ARHGAP39: variants seen among roughly 807,000 people sequenced by gnomAD.
ARHGAP39 encodes the protein rho GTPase-activating protein 39.
In ARHGAP39, 44 loss-of-function variants were observed where a neutral mutation model predicts 106.9. That is an observed-to-expected ratio of 0.41 (90% CI 0.32 to 0.53). ARHGAP39 has a LOEUF of 0.53. ARHGAP39 is among the 20% of genes least tolerant of loss of function. The pLI, the probability that ARHGAP39 is intolerant of heterozygous loss-of-function variation, is 0.21. For missense variants in ARHGAP39, 1,496 were observed against 1,577.3 expected (o/e 0.95, Z 0.87); for synonymous variants, 768 against 693.2 (o/e 1.11, Z -1.69).
At chr8:144,619,683 T>C (rs1185507137) in intron 1 of ARHGAP39, among the ~76,000 whole-genome samples, 1 of 149,452 alleles carries the variant, frequency 6.7e-6, no homozygotes, top group Non-Finnish European at 1.5e-5. Context: ...CACGTATGCC[T>C]GTGTGCATGA....
At chr8:144,605,513 C>T (rs759998445) in intron 2 of ARHGAP39, 22 bp downstream of exon 2, 66 of 1,613,188 alleles carry the variant, frequency 4.1e-5, no homozygotes, top group Admixed American at 5.0e-5. Context: ...CGGGCAGCTC[C>T]GCAGGTCGGT....
chr8:144,534,169 T>A lies in ARHGAP39; in HGVS notation c.2648A>T (p.Tyr883Phe). The change falls in exon 8 of 12, where the codon TAC becomes TTC. Residue 883 changes from tyrosine to phenylalanine, a missense_variant. Around this residue, in one of 4 missense-constraint regions of ARHGAP39, gnomAD observed 470 missense variants for 605.1 expected, o/e 0.78. Transcript: ENST00000377307. ...VAISTYAKYC[Y>F]HKLQKAALTG... is the part of the protein sequence containing the mutation. ...CAGGGCTGCCTTCTGTAGCTTGTGG[T>A]AACAGTACTTGGCATACGTGCTTAT... is the stretch of plus-strand genomic sequence containing the variant. 6.2e-7 allele frequency: 1 copy of A among 1,613,318 alleles called. No homozygotes were observed. Among genetic ancestry groups the A allele is most frequent in the Non-Finnish European group, 8.5e-7 (1 of 1,179,806 alleles).
intron 1 of ARHGAP39, among the ~76,000 whole-genome samples, chr8:144,659,182 C>T (rs998295903): frequency 2.6e-5 from 4 of 152,134 alleles, no homozygotes; most frequent in African/African-American, 4.8e-5. Flanking sequence ...TAATAATATA[C>T]ACTGTAAAGG....
At chr8:144,599,257 A>G (rs1250572970) in intron 2 of ARHGAP39, among the ~76,000 whole-genome samples, 2 of 152,222 alleles carry the variant, frequency 1.3e-5, no homozygotes, top group East Asian at 3.8e-4. Flanking sequence ...AATATGCGAA[A>G]TTACCCATAT....
At chr8:144,631,451 A>T (rs1329734134) in intron 1 of ARHGAP39, among the ~76,000 whole-genome samples, 1 of 152,224 alleles carries the variant, frequency 6.6e-6, no homozygotes, top group Non-Finnish European at 1.5e-5. Flanking sequence ...TTCTCTGAAT[A>T]TCCCTTTCTT....
the ARHGAP39 span, among the ~76,000 whole-genome samples, chr8:144,697,258 T>C: frequency 6.8e-6 from 1 of 146,250 alleles, no homozygotes; most frequent in Non-Finnish European, 1.5e-5. Context: ...ACCCAGGACC[T>C]GGAGGAGGTT....
At chr8:144,558,158 TA>T (rs1335387146) in intron 3 of ARHGAP39, among the ~76,000 whole-genome samples, 1 of 152,224 alleles carries the variant, frequency 6.6e-6, no homozygotes, top group Non-Finnish European at 1.5e-5. Context: ...AATAATACTG[TA>T]AAGTCTTGTT....
chr8:144,535,098 C>T (rs766400291), intron 7 of ARHGAP39, among the ~76,000 whole-genome samples: 4 of 152,228 alleles, frequency 2.6e-5, no homozygotes, highest in African/African-American at 7.2e-5. Flanking sequence ...CCCCAGCGCC[C>T]AGCGCCTACC....
intron 2 of ARHGAP39, among the ~76,000 whole-genome samples, chr8:144,603,179 A>G (rs1186442526): frequency 4.6e-5 from 5 of 108,826 alleles, no homozygotes; most frequent in Non-Finnish European, 7.2e-5. Context: ...GAGCTCATGT[A>G]CCTGTGTGTG....
At chr8:144,613,492 T>TG (rs1211640485) in intron 1 of ARHGAP39, among the ~76,000 whole-genome samples, 2 of 146,162 alleles carry the variant, frequency 1.4e-5, no homozygotes, top group African/African-American at 5.1e-5. Flanking sequence ...GGTGGACAGT[T>TG]TTTTTTTTTT....
intron 3 of ARHGAP39, among the ~76,000 whole-genome samples, chr8:144,559,233 C>A (rs1818053895): frequency 6.6e-6 from 1 of 151,364 alleles, no homozygotes; most frequent in Non-Finnish European, 1.5e-5. Flanking sequence ...AAAACAAAAA[C>A]TAGCCGGAAG....
rs527898051 is a variant in ARHGAP39, at chr8:144,548,741, C to T, written c.597-252G>A. Reference sequence around the variant, plus strand: ...TCTGATCCCAGCTCCTGACCGGGCACAGGGCTGCTTCTGTAACTAGAACCG... The same window carrying T: ...TCTGATCCCAGCTCCTGACCGGGCATAGGGCTGCTTCTGTAACTAGAACCG... On this transcript the variant is annotated intron_variant, in intron 4 of 11. Transcript: ENST00000377307. This position sits in a 1 kb window ranked among gnomAD's most constrained non-coding sequence, Gnocchi z 7.4. Among the ~76,000 whole-genome samples the T allele has an allele frequency of 1.3e-5, 2 of 152,348 alleles. No individual in the cohort carries two copies. Among genetic ancestry groups the T allele is most frequent in the African/African-American group, 4.8e-5 (2 of 41,590 alleles).
At chr8:144,576,370 A>C (rs1410033184) in intron 3 of ARHGAP39, among the ~76,000 whole-genome samples, 2 of 149,792 alleles carry the variant, frequency 1.3e-5, no homozygotes, top group African/African-American at 2.5e-5. Context: ...ACGAAAAAAA[A>C]CCTCCCACAG....
In ARHGAP39 at chr8:144,530,095, G is replaced by A; in HGVS notation, c.*327C>T. The A allele has an allele frequency of 3.1e-6, 1 of 318,214 alleles. No homozygotes were observed. The allele number at this position is 318,214 out of a possible 1,614,324, so 19.7% of individuals were successfully genotyped here. A position where few individuals can be genotyped will look rare whatever the true frequency, so the allele number is the denominator to read the frequency against. On this transcript the variant is annotated 3_prime_UTR_variant, in exon 12 of 12. Coordinates refer to ENST00000377307, the MANE Select transcript of ARHGAP39 (RefSeq NM_025251.3). ...CGCAGGAGCCACAGGGAGGCAGCCC[G>A]GCCCCAAGGAGGCAGCGTCGCTCGG...
rs948084210 is a variant in ARHGAP39, at chr8:144,653,086, T to G, written c.-82+32600A>C. ...GCTGAGGCGGGCAGATCACCTGAGG[T>G]CAGGAGTTTGACGCCAGCCTGATCA... On this transcript the variant is annotated intron_variant, in intron 1 of 11. Transcript: ENST00000377307. 1.6e-4 allele frequency among the ~76,000 whole-genome samples: 25 copies of G among 151,990 alleles called. 3 individuals carry two copies. Among genetic ancestry groups the G allele is most frequent in the Non-Finnish European group, 2.9e-5 (2 of 67,974 alleles).
At chr8:144,574,301 G>A (rs1046178809) in intron 3 of ARHGAP39, among the ~76,000 whole-genome samples, 18 of 152,158 alleles carry the variant, frequency 1.2e-4, no homozygotes, top group African/African-American at 4.1e-4. Flanking sequence ...TTAGGAGGCC[G>A]AGGTGGGAGG....
intron 1 of ARHGAP39, among the ~76,000 whole-genome samples, chr8:144,621,908 T>C (rs1820816938): frequency 6.6e-6 from 1 of 152,202 alleles, no homozygotes; most frequent in Admixed American, 6.5e-5. Context: ...GTCGGCTCAG[T>C]GCGGGCCGCA....
chr8:144,632,494 C>T (rs1384338453), intron 1 of ARHGAP39, among the ~76,000 whole-genome samples: 3 of 152,236 alleles, frequency 2.0e-5, no homozygotes, highest in African/African-American at 7.2e-5. Flanking sequence ...GGTGGGCTTG[C>T]CTGGTGGAAC....
In ARHGAP39 at chr8:144,632,086, A is replaced by T. The variant is rs1396259612; in HGVS notation, c.-81-26391T>A. ...CCAGGACCATCACTGCCCCTCCTGGAGCTTCTGACCTCCAAAGTGCTGATT... is the reference window on the plus strand; with the variant it reads ...CCAGGACCATCACTGCCCCTCCTGGTGCTTCTGACCTCCAAAGTGCTGATT... On this transcript the variant is annotated intron_variant, in intron 1 of 11. Transcript: ENST00000377307. Among the ~76,000 whole-genome samples the T allele has an allele frequency of 2.0e-5, 3 of 152,100 alleles. No homozygotes were observed. The East Asian group carries it at 5.8e-4, about 29-fold the overall frequency.
Sources: gnomAD v4.1 joint callset for allele counts (sites outside exome capture counted in the v4.1 genomes callset) on GRCh38, gnomAD v4.1.1 for gene constraint, gnomAD v4.1.1 regional missense constraint, Gnocchi (gnomAD v3.1) non-coding constraint, MANE v1.5 for transcripts, NCBI Gene and HGNC (gene_info 2026-07-23, HGNC 2026-07-21) for gene names.